RNF220: variants seen among roughly 807,000 people sequenced by gnomAD.
RNF220 encodes the protein ring finger protein 220.
Under a neutral mutation model 67.1 loss-of-function variants are expected in RNF220, and 7 were observed. The ratio of observed to expected loss-of-function variants is 0.10; its 90% confidence interval spans 0.06 to 0.20. The LOEUF is 0.20. Ranked by LOEUF, RNF220 falls within the 10% of genes least tolerant of loss-of-function variation. The pLI is 1.00. For synonymous variants in RNF220, 270 were observed against 283.2 expected (o/e 0.95, Z 0.47); for missense variants, 565 against 740.3 (o/e 0.76, Z 2.75).
intron 2 of RNF220, among the ~76,000 whole-genome samples, chr1:44,590,770 G>A (rs1370247739): frequency 6.6e-6 from 1 of 152,160 alleles, no homozygotes; most frequent in African/African-American, 2.4e-5. Context: ...ACTGTGCCAG[G>A]CCCTGTTAAA....
At chr1:44,629,325 G>C (rs56756630) in intron 5 of RNF220, among the ~76,000 whole-genome samples, 9,386 of 152,304 alleles carry the variant, frequency 0.062, 692 homozygotes, top group African/African-American at 0.17. Flanking sequence ...GATAGGAGAA[G>C]ATGCAAATAA....
At chr1:44,636,217 T>C (rs916056067) in intron 8 of RNF220, 55 bp downstream of exon 8, 2 of 1,566,788 alleles carry the variant, frequency 1.3e-6, no homozygotes, top group African/African-American at 2.7e-5. Context: ...CTCTGCTGGG[T>C]ATCCATCTGC....
At chr1:44,556,434 A>G (rs1256889731) in intron 2 of RNF220, among the ~76,000 whole-genome samples, 1 of 150,694 alleles carries the variant, frequency 6.6e-6, no homozygotes, top group African/African-American at 2.5e-5. Flanking sequence ...ACCTGAATGA[A>G]CAAATGACAC....
intron 2 of RNF220, among the ~76,000 whole-genome samples, chr1:44,456,053 T>C (rs892033714): frequency 6.6e-6 from 1 of 152,232 alleles, no homozygotes; most frequent in East Asian, 1.9e-4. Context: ...GAGTGTCATA[T>C]TCTTAGAATA....
At chr1:44,620,907 T>G (rs72671946) in intron 3 of RNF220, among the ~76,000 whole-genome samples, 9,204 of 150,852 alleles carry the variant, frequency 0.061, 677 homozygotes, top group African/African-American at 0.17. Flanking sequence ...GTGGCTGTTG[T>G]GAATCTTTTT....
At chr1:44,495,252 C>CA (rs55870438) in intron 2 of RNF220, among the ~76,000 whole-genome samples, 28,742 of 129,886 alleles carry the variant, frequency 0.22, 3,248 homozygotes, top group East Asian at 0.52. Context: ...ACAAAAGATA[C>CA]AAAAAAAAAA....
intron 2 of RNF220, among the ~76,000 whole-genome samples, chr1:44,550,836 C>T (rs1453347954): frequency 6.6e-6 from 1 of 152,168 alleles, no homozygotes; most frequent in African/African-American, 2.4e-5. Flanking sequence ...CTAGTCCCTG[C>T]AATGCTTCTC....
At chr1:44,474,267 T>C (rs1244063146) in intron 2 of RNF220, among the ~76,000 whole-genome samples, 1 of 151,560 alleles carries the variant, frequency 6.6e-6, no homozygotes, top group East Asian at 1.9e-4. Flanking sequence ...CCCAGCTACT[T>C]GGGAGGCTGA....
At chr1:44,561,402 C>T (rs999472121) in intron 2 of RNF220, among the ~76,000 whole-genome samples, 3 of 151,822 alleles carry the variant, frequency 2.0e-5, no homozygotes, top group Admixed American at 6.6e-5. Flanking sequence ...CCCAGCTACT[C>T]GGGAGGCTGA....
At chr1:44,440,794 G>T (rs1475580108) in intron 2 of RNF220, among the ~76,000 whole-genome samples, 1 of 152,174 alleles carries the variant, frequency 6.6e-6, no homozygotes, top group Non-Finnish European at 1.5e-5. Context: ...TATTAATCAT[G>T]GGTGAGCTTG....
chr1:44,474,399 TAA>T (rs1655106063), intron 2 of RNF220, among the ~76,000 whole-genome samples: 1 of 85,066 alleles, frequency 1.2e-5, no homozygotes, highest in Non-Finnish European at 2.3e-5. Context: ...ATAATAATAA[TAA>T]TAATAATAAT....
chr1:44,572,199 GA>G (rs2148321320), intron 2 of RNF220, among the ~76,000 whole-genome samples: 1 of 152,340 alleles, frequency 6.6e-6, no homozygotes, highest in African/African-American at 2.4e-5. Context: ...GCAGTCTGGG[GA>G]CATGTGACAT....
intron 2 of RNF220, among the ~76,000 whole-genome samples, chr1:44,444,261 C>G (rs763856628): frequency 2.0e-5 from 3 of 152,060 alleles, no homozygotes; most frequent in Non-Finnish European, 4.4e-5. Context: ...GTAAACATCC[C>G]CAAACAATAT....
intron 2 of RNF220, among the ~76,000 whole-genome samples, chr1:44,508,349 G>A (rs1461944509): frequency 6.6e-6 from 1 of 152,152 alleles, no homozygotes; most frequent in Admixed American, 6.5e-5. Flanking sequence ...AGATGGGCGA[G>A]TCGTGTGGGG....
intron 2 of RNF220, among the ~76,000 whole-genome samples, chr1:44,492,402 A>G (rs570087101): frequency 3.4e-4 from 52 of 152,212 alleles, no homozygotes; most frequent in Middle Eastern, 6.3e-3. Flanking sequence ...TGTCCCAGCA[A>G]TTCCACTCCT....
At chr1:44,474,140 T>G (rs1197113680) in intron 2 of RNF220, among the ~76,000 whole-genome samples, 2 of 152,042 alleles carry the variant, frequency 1.3e-5, no homozygotes, top group Non-Finnish European at 2.9e-5. Flanking sequence ...TTTGGGAAGC[T>G]GAGGCAGGTG....
At chr1:44,523,812 A>G (rs1251633917) in intron 2 of RNF220, among the ~76,000 whole-genome samples, 1 of 152,172 alleles carries the variant, frequency 6.6e-6, no homozygotes, top group Non-Finnish European at 1.5e-5. Context: ...TCCAGCATCC[A>G]GCGCAGCCCC....
At chr1:44,608,886 T>A (rs1392957213) in intron 2 of RNF220, among the ~76,000 whole-genome samples, 2 of 152,156 alleles carry the variant, frequency 1.3e-5, no homozygotes, top group Non-Finnish European at 2.9e-5. Flanking sequence ...ATGGGGCAGA[T>A]ATAGGCACAA....
chr1:44,594,207 G>A (rs1666309303), intron 2 of RNF220, among the ~76,000 whole-genome samples: 1 of 152,148 alleles, frequency 6.6e-6, no homozygotes, highest in Non-Finnish European at 1.5e-5. Flanking sequence ...AAAGAAAAGT[G>A]AAAGGCCCCC....
Sources: allele counts gnomAD v4.1 joint callset (sites outside exome capture counted in the v4.1 genomes callset), GRCh38; gene constraint gnomAD v4.1.1; transcripts MANE v1.5; gene names NCBI Gene and HGNC (gene_info 2026-07-23, HGNC 2026-07-21).